SYT14: variants seen among roughly 807,000 people sequenced by gnomAD.
SYT14 encodes synaptotagmin-14.
Under a neutral mutation model 74.2 loss-of-function variants are expected in SYT14, and 32 were observed. The ratio of observed to expected loss-of-function variants is 0.43; its 90% CI spans 0.33 to 0.58. The LOEUF (loss-of-function observed/expected upper bound fraction) is 0.58, where lower values mean the gene tolerates loss of function less well. Among genes scored for constraint, SYT14 ranks in the 20% least tolerant of loss-of-function variants. SYT14 has a pLI of 0.05. For missense variants in SYT14, 791 were observed against 981.8 expected (o/e 0.81, Z 2.60); for synonymous variants, 298 against 337.7 (o/e 0.88, Z 1.29).
chr1:210,146,727 C>T (rs545073230), intron 7 of SYT14, among the ~76,000 whole-genome samples: 54 of 150,572 alleles, frequency 3.6e-4, no homozygotes, highest in African/African-American at 1.2e-3. Context: ...GATGTACATA[C>T]GTAGTATATG....
At chr1:210,099,375 G>A (rs929103719) in intron 6 of SYT14, among the ~76,000 whole-genome samples, 10 of 152,122 alleles carry the variant, frequency 6.6e-5, no homozygotes, top group African/African-American at 2.2e-4. Flanking sequence ...ATTAATGTTA[G>A]AAAATAATAT....
intron 6 of SYT14, among the ~76,000 whole-genome samples, chr1:210,098,406 C>T (rs2082003887): frequency 6.6e-6 from 1 of 152,140 alleles, no homozygotes; most frequent in African/African-American, 2.4e-5. Flanking sequence ...GGGCTTTGCT[C>T]TATGAGATTA....
chr1:210,130,889 C>T (rs899480183), intron 7 of SYT14, among the ~76,000 whole-genome samples: 14 of 152,140 alleles, frequency 9.2e-5, no homozygotes, highest in African/African-American at 3.4e-4. Context: ...TTTTAATGAA[C>T]ATATAAATCA....
intron 5 of SYT14, among the ~76,000 whole-genome samples, chr1:210,086,758 A>C (rs911999558): frequency 2.0e-5 from 3 of 152,184 alleles, no homozygotes; most frequent in Non-Finnish European, 2.9e-5. Flanking sequence ...AAATATATGC[A>C]CACATATATG....
intron 5 of SYT14, among the ~76,000 whole-genome samples, chr1:210,048,233 C>T (rs2080922977): frequency 6.6e-6 from 1 of 152,136 alleles, no homozygotes; most frequent in Admixed American, 6.5e-5. Context: ...CAAATTGTCT[C>T]AAATTGGGCT....
At chr1:210,147,295 G>A (rs1193693674) in intron 7 of SYT14, among the ~76,000 whole-genome samples, 3 of 152,002 alleles carry the variant, frequency 2.0e-5, no homozygotes, top group Non-Finnish European at 4.4e-5. Flanking sequence ...TTTGGAGAGT[G>A]GAATAAGAAT....
intron 4 of SYT14, among the ~76,000 whole-genome samples, chr1:210,020,191 T>C (rs1483800269): frequency 6.6e-6 from 1 of 152,212 alleles, no homozygotes; most frequent in Non-Finnish European, 1.5e-5. Flanking sequence ...AGTTATTCTT[T>C]CCCTGAGAGT....
chr1:210,067,800 A>G (rs2081324118), intron 5 of SYT14, among the ~76,000 whole-genome samples: 1 of 151,932 alleles, frequency 6.6e-6, no homozygotes, highest in Admixed American at 6.6e-5. Context: ...TAGAAATGTG[A>G]GATGTAAAGA....
At chr1:209,984,186 A>G (rs1386584688) in intron 2 of SYT14, among the ~76,000 whole-genome samples, 4 of 152,212 alleles carry the variant, frequency 2.6e-5, no homozygotes, top group African/African-American at 9.6e-5. Context: ...TTTGGAAGTC[A>G]GGGTCCTTAC....
At position 210,110,359 on chromosome 1, in the gene SYT14, A is replaced by G. The variant is rs530662654; in HGVS notation, c.2034+9898A>G. On this transcript the variant is annotated intron_variant, in intron 7 of 9. Transcript: ENST00000637265. Reference sequence around the variant, plus strand: ...AAGGAATGAAGATGAAATGTCCAGGAGGACAAAATAGGAGGACAGGATGAT... The same window carrying G: ...AAGGAATGAAGATGAAATGTCCAGGGGGACAAAATAGGAGGACAGGATGAT... Among the ~76,000 whole-genome samples, 73 of 152,226 alleles carry G rather than the reference A, an allele frequency of 4.8e-4. 1 individual carries two copies. Among genetic ancestry groups the G allele is most frequent in the Non-Finnish European group, 7.2e-4 (49 of 68,038 alleles).
At chr1:210,050,436 T>C (rs1284671921) in intron 5 of SYT14, among the ~76,000 whole-genome samples, 1 of 152,228 alleles carries the variant, frequency 6.6e-6, no homozygotes, top group African/African-American at 2.4e-5. Flanking sequence ...CCCACATTTT[T>C]CTGTCGTCTT....
At chr1:209,967,997 A>G (rs529622348) in intron 2 of SYT14, among the ~76,000 whole-genome samples, 1 of 152,174 alleles carries the variant, frequency 6.6e-6, no homozygotes, top group Non-Finnish European at 1.5e-5. Context: ...TAAAAAAATC[A>G]GTATATTGAA....
intron 2 of SYT14, among the ~76,000 whole-genome samples, chr1:209,959,495 A>G (rs1367370386): frequency 1.3e-5 from 2 of 152,182 alleles, no homozygotes; most frequent in Non-Finnish European, 2.9e-5. Context: ...ATATCCATCA[A>G]CTGATGAATG....
At chr1:209,945,235 T>G (rs189578076) in intron 1 of SYT14, among the ~76,000 whole-genome samples, 4 of 152,298 alleles carry the variant, frequency 2.6e-5, no homozygotes, top group African/African-American at 9.6e-5. Flanking sequence ...AGCTATTATT[T>G]TTACTTACTC....
intron 2 of SYT14, among the ~76,000 whole-genome samples, chr1:210,005,898 AGATT>A (rs1446791112): frequency 6.6e-6 from 1 of 151,962 alleles, no homozygotes; most frequent in African/African-American, 2.4e-5. Context: ...AATTTCTTCA[AGATT>A]GATTTAGAGT....
intron 7 of SYT14, among the ~76,000 whole-genome samples, chr1:210,134,124 A>T (rs1458430206): frequency 6.6e-6 from 1 of 151,708 alleles, no homozygotes; most frequent in Non-Finnish European, 1.5e-5. Flanking sequence ...CAGGCTGGAG[A>T]CAAGGTCTTG....
chr1:209,987,213 C>A (rs1379407453), intron 2 of SYT14, among the ~76,000 whole-genome samples: 1 of 152,212 alleles, frequency 6.6e-6, no homozygotes, highest in Admixed American at 6.5e-5. Context: ...TCCAAAGTTG[C>A]TTTCACATTT....
intron 5 of SYT14, among the ~76,000 whole-genome samples, chr1:210,052,183 G>C (rs1489727401): frequency 6.6e-6 from 1 of 151,594 alleles, no homozygotes; most frequent in African/African-American, 2.4e-5. Context: ...CTGGCTGTTT[G>C]AGTTTTTTCC....
chr1:210,107,448 C>T (rs1287588716), intron 7 of SYT14, among the ~76,000 whole-genome samples: 1 of 152,186 alleles, frequency 6.6e-6, no homozygotes, highest in East Asian at 1.9e-4. Flanking sequence ...ACCATACTGA[C>T]ATTTGATTGA....
Sources: gnomAD v4.1 joint callset for allele counts (sites outside exome capture counted in the v4.1 genomes callset) on GRCh38, gnomAD v4.1.1 for gene constraint, MANE v1.5 for transcripts, NCBI Gene and HGNC (gene_info 2026-07-23, HGNC 2026-07-21) for gene names.